The following CALD1 variants were observed in gnomAD, a reference collection of about 807,000 sequenced individuals.
The protein encoded by CALD1 is caldesmon.
In CALD1, 33 loss-of-function variants were observed where a neutral mutation model predicts 99.9. The observed-to-expected ratio is 0.33, with a 90% CI of 0.25 to 0.44. The LOEUF is 0.44. Among genes scored for constraint, CALD1 ranks in the 20% least tolerant of loss-of-function variants. The pLI, the probability that CALD1 is intolerant of heterozygous loss-of-function variation, is 1.00. For missense variants in CALD1, 861 were observed against 962.1 expected, an observed-to-expected ratio of 0.89 and a Z score of 1.39; for synonymous variants, 310 against 325.0, an observed-to-expected ratio of 0.95 and a Z score of 0.50.
At chr7:134,850,383 G>A (rs542342766) in intron 2 of CALD1, among the ~76,000 whole-genome samples, 75 of 152,298 alleles carry the variant, frequency 4.9e-4, no homozygotes, top group African/African-American at 1.7e-3. Context: ...ACAATCTGGG[G>A]CTGAGTTGCC....
At chr7:134,935,817 T>C (rs1302543469) in intron 6 of CALD1, 52 bp downstream of exon 6, 3 of 1,519,878 alleles carry the variant, frequency 2.0e-6, no homozygotes, top group Non-Finnish European at 2.6e-6. Context: ...AAGCAGTCAG[T>C]GTTCCAAGAT....
intron 1 of CALD1, among the ~76,000 whole-genome samples, chr7:134,755,805 T>C (rs1017121074): frequency 4.6e-5 from 7 of 152,252 alleles, no homozygotes; most frequent in African/African-American, 1.7e-4. Context: ...GTTTGCCTTC[T>C]GAGTCTTGTT....
chr7:134,889,331 C>G (rs1255287327), intron 3 of CALD1, among the ~76,000 whole-genome samples: 1 of 152,156 alleles, frequency 6.6e-6, no homozygotes, highest in African/African-American at 2.4e-5. Flanking sequence ...ATCTTCAAAG[C>G]CATCACCAGT....
intron 2 of CALD1, among the ~76,000 whole-genome samples, chr7:134,858,757 A>T (rs1371326316): frequency 1.3e-5 from 2 of 152,016 alleles, no homozygotes; most frequent in African/African-American, 4.8e-5. Context: ...TTTAGTAGAG[A>T]CAGGGTTTCA....
At chr7:134,809,237 T>C (rs1448288455) in intron 1 of CALD1, among the ~76,000 whole-genome samples, 3 of 152,244 alleles carry the variant, frequency 2.0e-5, no homozygotes, top group African/African-American at 7.2e-5. Context: ...ATCATGGTTT[T>C]AAATTCTTTT....
At chr7:134,911,865 G>A (rs1186906649) in intron 3 of CALD1, among the ~76,000 whole-genome samples, 1 of 152,154 alleles carries the variant, frequency 6.6e-6, no homozygotes, top group Non-Finnish European at 1.5e-5. Flanking sequence ...GCCATAATAT[G>A]GGAGATAATA....
At chr7:134,804,977 G>T (rs1370981421) in intron 1 of CALD1, among the ~76,000 whole-genome samples, 3 of 152,200 alleles carry the variant, frequency 2.0e-5, no homozygotes, top group Non-Finnish European at 2.9e-5. Flanking sequence ...AGGGTAATTT[G>T]GTGGGTAGGG....
At chr7:134,805,308 A>G (rs1247859296) in intron 1 of CALD1, among the ~76,000 whole-genome samples, 1 of 152,072 alleles carries the variant, frequency 6.6e-6, no homozygotes. Context: ...TATTTTCTTA[A>G]CTATATTCTA....
At chr7:134,803,555 G>T (rs1379210783) in intron 1 of CALD1, among the ~76,000 whole-genome samples, 1 of 151,984 alleles carries the variant, frequency 6.6e-6, no homozygotes, top group East Asian at 1.9e-4. Context: ...ATTTGTGTAT[G>T]GTGTCAGATA....
chr7:134,737,119 G>A, the CALD1 span, among the ~76,000 whole-genome samples: 1 of 152,030 alleles, frequency 6.6e-6, no homozygotes, highest in African/African-American at 2.4e-5. Context: ...TTTGGCTAAT[G>A]GTAACTACAT....
chr7:134,834,544 T>G (rs1286076171), intron 1 of CALD1, among the ~76,000 whole-genome samples: 1 of 152,240 alleles, frequency 6.6e-6, no homozygotes, highest in Non-Finnish European at 1.5e-5. Flanking sequence ...GGTAAACCAT[T>G]TAACCTCTCT....
chr7:134,935,617 C>T (rs1805908158), intron 5 of CALD1, 71 bp from the exon 6 acceptor site: 2 of 1,536,370 alleles, frequency 1.3e-6, no homozygotes, highest in Non-Finnish European at 1.7e-6. Flanking sequence ...GATCCGAGCA[C>T]CCTGTCACTC....
At chr7:134,762,419 T>C (rs1796787224) in intron 1 of CALD1, among the ~76,000 whole-genome samples, 2 of 152,226 alleles carry the variant, frequency 1.3e-5, no homozygotes, top group South Asian at 4.1e-4. Flanking sequence ...GAGTTCTGGA[T>C]TGGGAGAGTT....
intron 3 of CALD1, among the ~76,000 whole-genome samples, chr7:134,885,238 C>T (rs935765088): frequency 2.6e-5 from 4 of 152,074 alleles, no homozygotes; most frequent in African/African-American, 4.8e-5. Context: ...CGGCACCATA[C>T]GTTTATTTCT....
intron 1 of CALD1, among the ~76,000 whole-genome samples, chr7:134,746,790 G>C (rs10262561): frequency 0.017 from 2,632 of 152,250 alleles, 81 homozygotes; most frequent in African/African-American, 0.058. Flanking sequence ...GAGAGAAAAG[G>C]CAATTCTATT....
intron 1 of CALD1, among the ~76,000 whole-genome samples, chr7:134,810,587 T>C (rs1470264891): frequency 6.6e-6 from 1 of 152,166 alleles, no homozygotes; most frequent in African/African-American, 2.4e-5. Context: ...GATCAAACCA[T>C]TGACTTTATC....
the CALD1 span, among the ~76,000 whole-genome samples, chr7:134,734,056 C>T: frequency 6.6e-6 from 1 of 151,924 alleles, no homozygotes. Flanking sequence ...GCAGCAGTGA[C>T]ATTACCAGAG....
intron 1 of CALD1, among the ~76,000 whole-genome samples, chr7:134,817,685 C>G (rs530414481): frequency 2.6e-4 from 39 of 152,146 alleles, no homozygotes; most frequent in African/African-American, 8.7e-4. Flanking sequence ...TTCTATTTTT[C>G]AAAGTATACA....
the CALD1 span, among the ~76,000 whole-genome samples, chr7:134,735,839 T>C: frequency 6.6e-6 from 1 of 152,086 alleles, no homozygotes; most frequent in Non-Finnish European, 1.5e-5. Context: ...CCAGCTGGGG[T>C]ACACTTTATA....
Sources: gnomAD v4.1 joint callset for allele counts (sites outside exome capture counted in the v4.1 genomes callset) on GRCh38, gnomAD v4.1.1 for gene constraint, MANE v1.5 for transcripts, NCBI Gene and HGNC (gene_info 2026-07-23, HGNC 2026-07-21) for gene names.